Variants in SP100 observed in about 807,000 individuals in gnomAD.
The protein encoded by SP100 is SP100 nuclear body protein.
A neutral mutation model predicts 130.0 loss-of-function variants in SP100; 84 were observed. The observed-to-expected ratio is 0.65, with a 90% CI of 0.54 to 0.77. The LOEUF (loss-of-function observed/expected upper bound fraction) is 0.77. Among genes scored for constraint, SP100 ranks in the 30% least tolerant of loss-of-function variants. The pLI, the probability that SP100 is intolerant of heterozygous loss-of-function variation, is 0.00. For synonymous variants in SP100, 331 were observed against 351.7 expected, an observed-to-expected ratio of 0.94 and a Z score of 0.66; for missense variants, 978 against 1,052.2, an observed-to-expected ratio of 0.93 and a Z score of 0.97.
chr2:230,469,781 A>T (rs2065171670), intron 14 of SP100: 3 of 577,042 alleles, frequency 5.2e-6, no homozygotes, highest in Non-Finnish European at 6.9e-6. Flanking sequence ...TCCCAAAGTT[A>T]AAAAAAAAAA....
intron 27 of SP100, among the ~76,000 whole-genome samples, chr2:230,541,606 TC>T (rs1490555986): frequency 2.0e-5 from 3 of 152,178 alleles, no homozygotes; most frequent in African/African-American, 7.2e-5. Flanking sequence ...GAGAGGGCTG[TC>T]TTCTAGGTGT....
At chr2:230,541,501 A>G in intron 27 of SP100, 129 bp downstream of exon 27, 3 of 754,434 alleles carry the variant, frequency 4.0e-6, no homozygotes, top group Non-Finnish European at 4.4e-6. Flanking sequence ...ATAGAAATTT[A>G]TCATAGATTA....
chr2:230,514,772 G>A (rs748946219), intron 24 of SP100, among the ~76,000 whole-genome samples: 1 of 152,214 alleles, frequency 6.6e-6, no homozygotes, highest in Non-Finnish European at 1.5e-5. Flanking sequence ...AGGCTAGAAA[G>A]CCAAGCCAAG....
chr2:230,466,184 CAAAAA>C (rs57983447), intron 11 of SP100, 112 bp from the exon 12 acceptor site: 14 of 258,180 alleles, frequency 5.4e-5, no homozygotes, highest in Middle Eastern at 1.2e-3. Flanking sequence ...GACTCCATCT[CAAAAA>C]AAAAAAAAAA....
rs116190141 is a variant in SP100 at position 230,474,759 on chromosome 2, C to G, written c.1600+312C>G. Among the ~76,000 whole-genome samples, 368 of 152,156 alleles carry G rather than the reference C, an allele frequency of 2.4e-3. 1 individual carries two copies. The highest frequency in any genetic ancestry group is 8.6e-3 in the African/African-American group (358 of 41,500). On this transcript the variant is annotated intron_variant, in intron 17 of 28. Transcript: ENST00000340126. ...TTTATGTGTATTCGATGTTTAGCTTCCACTTGTAAGTAAGAACATGCAGTA... is the reference window on the plus strand; with the variant it reads ...TTTATGTGTATTCGATGTTTAGCTTGCACTTGTAAGTAAGAACATGCAGTA...
intron 2 of SP100, among the ~76,000 whole-genome samples, chr2:230,435,407 T>G (rs900894703): frequency 6.6e-6 from 1 of 152,156 alleles, no homozygotes; most frequent in Non-Finnish European, 1.5e-5. Context: ...GAAAATGCTT[T>G]TCTACACTCT....
At chr2:230,464,611 CAA>C (rs11302983) in intron 11 of SP100, among the ~76,000 whole-genome samples, 2 of 150,918 alleles carry the variant, frequency 1.3e-5, no homozygotes, top group Non-Finnish European at 2.9e-5. Flanking sequence ...TTATTAATGG[CAA>C]AAAAAAAGTG....
chr2:230,531,505 G>A (rs928804697), intron 24 of SP100, among the ~76,000 whole-genome samples: 7 of 151,828 alleles, frequency 4.6e-5, no homozygotes, highest in Admixed American at 3.3e-4. Flanking sequence ...AAACCTGCAC[G>A]TTGTGCACAT....
chr2:230,445,316 T>C (rs941740857), intron 4 of SP100, among the ~76,000 whole-genome samples: 1 of 152,220 alleles, frequency 6.6e-6, no homozygotes, highest in Non-Finnish European at 1.5e-5. Flanking sequence ...AATGGGCACA[T>C]GCTCTGAAGA....
rs1342075765 is a variant in SP100, at chr2:230,416,314, C to T, written c.18C>T (p.Gly6=). 3.7e-6 allele frequency: 6 copies of T among 1,613,340 alleles called. No homozygotes were observed. Among genetic ancestry groups the T allele is most frequent in the Admixed American group, 3.3e-5 (2 of 59,984 alleles). The change falls in exon 1 of 29, where the codon GGC becomes GGT. Residue 6 remains glycine (G), a synonymous_variant. Coordinates refer to ENST00000340126, the MANE Select transcript of SP100 (RefSeq NM_001080391.2). The part of the protein sequence containing the change: MAGGG[G]DLSTRRLNEC... ...GTGGGAAGATGGCAGGTGGGGGCGG[C>T]GACCTGAGCACCAGGTGAGTCTTTA... is the stretch of plus-strand genomic sequence containing the variant.
chr2:230,520,420 G>A (rs1030058328), intron 24 of SP100, among the ~76,000 whole-genome samples: 21 of 152,144 alleles, frequency 1.4e-4, no homozygotes, highest in Non-Finnish European at 2.2e-4. Context: ...ATTTTACACC[G>A]CCCTAGGATT....
At position 230,478,883 on chromosome 2, in the gene SP100, C is replaced by CA. The variant is rs201198352; in HGVS notation, c.1600+4438dup. Among the ~76,000 whole-genome samples the CA allele has an allele frequency of 8.4e-3, 1,275 of 152,192 alleles. 23 individuals carry two copies. Among genetic ancestry groups the CA allele is most frequent in the African/African-American group, 0.029 (1,217 of 41,526 alleles). On this transcript the variant is annotated intron_variant, in intron 17 of 28. Coordinates refer to ENST00000340126, the MANE Select transcript of SP100 (RefSeq NM_001080391.2). ...TCACCCAGGCCAGAGTGCAGTGGTGCAATCTCGGCTCACTGCAACTTCTGC... is the reference window on the plus strand; with the variant it reads ...TCACCCAGGCCAGAGTGCAGTGGTGCAAATCTCGGCTCACTGCAACTTCTGC...
chr2:230,446,786 C>G, intron 4 of SP100, 33 bp from the exon 5 acceptor site: 2 of 1,352,200 alleles, frequency 1.5e-6, no homozygotes, highest in South Asian at 1.2e-5. Flanking sequence ...CCCTGTAGAT[C>G]TCTAATTGCT....
intron 24 of SP100, among the ~76,000 whole-genome samples, chr2:230,512,672 C>T (rs918243004): frequency 6.6e-5 from 10 of 152,210 alleles, no homozygotes; most frequent in East Asian, 1.9e-4. Flanking sequence ...TTCCACAGAC[C>T]GGGATGGGGT....
intron 2 of SP100, among the ~76,000 whole-genome samples, chr2:230,438,636 G>GGT (rs199664000): frequency 0.11 from 9,579 of 88,424 alleles, 375 homozygotes; most frequent in Non-Finnish European, 0.12. Flanking sequence ...AGTACTCCAT[G>GGT]GTGTATATAT....
chr2:230,442,907 C>A (rs762795848), intron 2 of SP100, 30 bp from the exon 3 acceptor site: 2 of 1,599,302 alleles, frequency 1.3e-6, no homozygotes, highest in South Asian at 1.1e-5. Flanking sequence ...ATCTTGATGA[C>A]CATTTTCACA....
At chr2:230,466,193 A>AAAAAAC (rs2064943754) in intron 11 of SP100, 108 bp from the exon 12 acceptor site, 1 of 570,950 alleles carries the variant, frequency 1.8e-6, no homozygotes, top group East Asian at 3.1e-5. Context: ...TCAAAAAAAA[A>AAAAAAC]AAAAAAAAAA....
intron 13 of SP100, chr2:230,468,776 C>G (rs1165749260): frequency 4.0e-6 from 1 of 250,840 alleles, no homozygotes; most frequent in African/African-American, 2.3e-5. Flanking sequence ...CAAGATTGCA[C>G]CACTGCCCTC....
chr2:230,497,079 T>A (rs1323274592), intron 18 of SP100, among the ~76,000 whole-genome samples: 1 of 152,182 alleles, frequency 6.6e-6, no homozygotes, highest in Non-Finnish European at 1.5e-5. Flanking sequence ...AATCCAAGAA[T>A]AGCCACACTA....
Sources: allele counts gnomAD v4.1 joint callset (sites outside exome capture counted in the v4.1 genomes callset), GRCh38; gene constraint gnomAD v4.1.1; transcripts MANE v1.5; gene names NCBI Gene and HGNC (gene_info 2026-07-23, HGNC 2026-07-21).